The following IGSF11 variants were observed in gnomAD, a reference collection of about 807,000 sequenced individuals.
IGSF11 encodes immunoglobulin superfamily member 11, also known as CXADR like 1.
IGSF11 carries 22 observed loss-of-function variants against 41.0 expected under a neutral mutation model. The observed-to-expected ratio is 0.54, with a 90% CI of 0.38 to 0.77. The LOEUF (loss-of-function observed/expected upper bound fraction) is 0.77, where lower values mean the gene tolerates loss of function less well. IGSF11 is among the 30% of genes least tolerant of loss of function. The probability of loss-of-function intolerance (pLI) is 0.00; values close to 1 mark genes in which losing one functional copy is unlikely to be tolerated. For synonymous variants in IGSF11, 219 were observed against 201.3 expected (o/e 1.09, Z -0.74); for missense variants, 444 against 530.8 (o/e 0.84, Z 1.61).
intron 1 of IGSF11, among the ~76,000 whole-genome samples, chr3:119,056,561 C>T: frequency 6.6e-6 from 1 of 152,200 alleles, no homozygotes; most frequent in Non-Finnish European, 1.5e-5. Flanking sequence ...GGGCTGTTAC[C>T]ATTCCTTCTG....
At chr3:119,026,132 AT>A (rs1939800602) in intron 1 of IGSF11, among the ~76,000 whole-genome samples, 1 of 152,136 alleles carries the variant, frequency 6.6e-6, no homozygotes, top group East Asian at 1.9e-4. Context: ...CTTCTTAAAA[AT>A]CTTCTTAAAT....
At chr3:119,083,028 C>G (rs1559857212) in intron 1 of IGSF11, among the ~76,000 whole-genome samples, 1 of 152,038 alleles carries the variant, frequency 6.6e-6, no homozygotes, top group Non-Finnish European at 1.5e-5. Context: ...CAGTTAAATT[C>G]AAGTATAGCA....
intron 1 of IGSF11, among the ~76,000 whole-genome samples, chr3:119,121,872 A>G (rs543295074): frequency 5.7e-4 from 87 of 152,338 alleles, no homozygotes; most frequent in African/African-American, 2.0e-3. Flanking sequence ...GACTTCTTAT[A>G]AGAAACCATG....
chr3:118,904,829 AAAAGAG>A (rs776248278), intron 5 of IGSF11, 31 bp from the exon 6 acceptor site: 2 of 1,560,714 alleles, frequency 1.3e-6, no homozygotes, highest in Non-Finnish European at 1.7e-6. Context: ...ATATTTAAAG[AAAAGAG>A]AAAGAGAGAA....
At chr3:118,947,706 T>C (rs1337397878) in intron 1 of IGSF11, 1 of 152,162 alleles carries the variant, frequency 6.6e-6, no homozygotes, top group Non-Finnish European at 1.5e-5. Flanking sequence ...AAACAGAACA[T>C]TACCAGATTC....
At chr3:119,140,309 A>G (rs924927023) in intron 1 of IGSF11, among the ~76,000 whole-genome samples, 1 of 152,180 alleles carries the variant, frequency 6.6e-6, no homozygotes, top group East Asian at 1.9e-4. Flanking sequence ...TGAAGTAATC[A>G]AAGAGAGCTG....
intron 1 of IGSF11, among the ~76,000 whole-genome samples, chr3:118,938,363 A>G (rs1397719615): frequency 6.6e-6 from 1 of 152,150 alleles, no homozygotes; most frequent in Middle Eastern, 3.2e-3. Flanking sequence ...ACAAAGCAGG[A>G]GCTTTCCACA....
At chr3:119,143,931 ATAT>A (rs2077684005) in intron 1 of IGSF11, among the ~76,000 whole-genome samples, 1 of 151,798 alleles carries the variant, frequency 6.6e-6, no homozygotes, top group African/African-American at 2.4e-5. Context: ...CTTGTTTATA[ATAT>A]TTATTTATAG....
chr3:119,025,125 T>C (rs561767755), intron 1 of IGSF11, among the ~76,000 whole-genome samples: 12 of 152,292 alleles, frequency 7.9e-5, no homozygotes, highest in African/African-American at 2.9e-4. Context: ...TTTATTATAT[T>C]GGGAGGGGGA....
At position 118,902,848 on chromosome 3, in the gene IGSF11, C is replaced by T. The variant is rs1304389258; in HGVS notation, c.968G>A (p.Ser323Asn). 6.2e-7 allele frequency: 1 copy of T among 1,614,160 alleles called. No individual in the cohort carries two copies. The highest frequency in any genetic ancestry group is 8.5e-7 in the Non-Finnish European group (1 of 1,180,010). ...GTTTCTATGAACTTTTGGATTGTTG[C>T]TCCAGTATCGACTGTTGTAGGCATT... ...SSNAYNSRYW[S>N]NNPKVHRNTE... Residue 323 changes from serine to asparagine, a missense_variant, in exon 7 of 7, where the codon AGC becomes AAC. By Grantham distance (46) the Ser-to-Asn change is conservative. This residue lies in a region of IGSF11 where 223 missense variants were observed against 226.2 expected (regional missense o/e 0.99). Coordinates refer to ENST00000393775, the MANE Select transcript of IGSF11 (RefSeq NM_001015887.3).
Position 118,911,723 on chromosome 3 carries a change from GAGAGAGAGAGAGAGAA to G in IGSF11, c.581-6021_581-6006del, listed in dbSNP as rs373696297. On this transcript the variant is annotated intron_variant, in intron 4 of 6. Coordinates refer to ENST00000393775, the MANE Select transcript of IGSF11 (RefSeq NM_001015887.3). ...AGTGAGAGAGAGGAGAGGAGACACA[GAGAGAGAGAGAGAGAA>G]AGAGAGAGAGAGAGAATATCAAGAT... Among the ~76,000 whole-genome samples the G allele has an allele frequency of 3.2e-3, 476 of 149,570 alleles. 3 individuals are homozygous for G. The highest frequency in any genetic ancestry group is 0.01 in the African/African-American group (423 of 40,990).
intron 1 of IGSF11, among the ~76,000 whole-genome samples, chr3:119,067,187 T>C (rs1276293907): frequency 6.6e-6 from 1 of 152,226 alleles, no homozygotes; most frequent in Admixed American, 6.5e-5. Context: ...GAGTTTCTTC[T>C]GTCCTGTACT....
rs1385991119 is a variant in IGSF11 at position 119,034,550 on chromosome 3, C to T, written c.33G>A (p.Leu11=). 1.3e-6 allele frequency: 2 copies of T among 1,592,840 alleles called. No individual in the cohort carries two copies. Among genetic ancestry groups the T allele is most frequent in the Non-Finnish European group, 8.5e-7 (1 of 1,170,626 alleles). The change falls in exon 1 of 7, where the codon TTG becomes TTA. Residue 11 remains leucine (L), a synonymous_variant. Coordinates refer to ENST00000393775, the MANE Select transcript of IGSF11 (RefSeq NM_001015887.3). Reference sequence around the variant, plus strand: ...ACTCACCGTGCAGAGAGAGGAGCAGCAAAGGCGCCAGAGGGGAACGCTGAG... The same window carrying T: ...ACTCACCGTGCAGAGAGAGGAGCAGTAAAGGCGCCAGAGGGGAACGCTGAG... MTSQRSPLAP[L]LLLSLHGVAA... is the part of the protein sequence containing the mutation.
chr3:118,994,981 G>A (rs1284040620), intron 1 of IGSF11, among the ~76,000 whole-genome samples: 6 of 152,098 alleles, frequency 3.9e-5, no homozygotes, highest in African/African-American at 7.2e-5. Flanking sequence ...ATAGAAAAGC[G>A]GCTTGAAGGG....
Position 118,915,295 on chromosome 3 carries a change from A to T in IGSF11, c.581-9577T>A, listed in dbSNP as rs1256839018. 1.5e-3 allele frequency among the ~76,000 whole-genome samples: 202 copies of T among 133,592 alleles called. 4 individuals are homozygous for T. Among genetic ancestry groups the T allele is most frequent in the African/African-American group, 5.6e-3 (178 of 31,592 alleles). 87.6% of individuals were successfully genotyped at this position (133,592 alleles called of 152,430 possible). A position where few individuals can be genotyped will look rare whatever the true frequency, so the allele number is the denominator to read the frequency against. ...AGCTGAGAGAAGAAGGCTTCAGACG[A>T]TCAAATTACTCTGAGCTACGGGAGG... On this transcript the variant is annotated intron_variant, in intron 4 of 6. Coordinates refer to ENST00000393775, the MANE Select transcript of IGSF11 (RefSeq NM_001015887.3).
Position 118,985,819 on chromosome 3 carries a change from A to G in IGSF11, c.52+48712T>C, listed in dbSNP as rs947014148. On this transcript the variant is annotated intron_variant, in intron 1 of 6. Transcript: ENST00000393775. ...GAACCCCTGGCACCAGCTTCTTGAT[A>G]TGTCTATTCCTCCTTCTCCCTTGTC... 7.9e-5 allele frequency among the ~76,000 whole-genome samples: 12 copies of G among 152,122 alleles called. 1 individual carries two copies. The South Asian group carries it at 1.5e-3, about 18-fold the overall frequency.
At chr3:118,927,724 C>G (rs932311742) in intron 3 of IGSF11, among the ~76,000 whole-genome samples, 1 of 152,148 alleles carries the variant, frequency 6.6e-6, no homozygotes, top group Non-Finnish European at 1.5e-5. Flanking sequence ...CTTCTCAAAA[C>G]GTCTTCCATC....
intron 4 of IGSF11, among the ~76,000 whole-genome samples, chr3:118,911,162 C>A (rs1940228511): frequency 6.6e-6 from 1 of 151,226 alleles, no homozygotes; most frequent in Non-Finnish European, 1.5e-5. Context: ...TGAATATATA[C>A]ACAAATTAAT....
intron 1 of IGSF11, among the ~76,000 whole-genome samples, chr3:119,059,982 A>G (rs188585884): frequency 6.6e-6 from 1 of 152,334 alleles, no homozygotes; most frequent in East Asian, 1.9e-4. Context: ...AACCAGAGAC[A>G]GTTGTAGCTG....
Sources: gnomAD v4.1 joint callset for allele counts (sites outside exome capture counted in the v4.1 genomes callset) on GRCh38, gnomAD v4.1.1 for gene constraint, gnomAD v4.1.1 regional missense constraint, MANE v1.5 for transcripts, NCBI Gene and HGNC (gene_info 2026-07-23, HGNC 2026-07-21) for gene names.